The following PCNX1 variants were observed in gnomAD, a reference collection of about 807,000 sequenced individuals.
The protein encoded by PCNX1 is pecanex 1.
Under a neutral mutation model 242.2 loss-of-function variants are expected in PCNX1, and 78 were observed. The observed-to-expected ratio is 0.32, with a 90% CI of 0.27 to 0.39. The LOEUF (loss-of-function observed/expected upper bound fraction) is 0.39, where lower values mean the gene tolerates loss of function less well. Among genes scored for constraint, PCNX1 ranks in the 10% least tolerant of loss-of-function variants. The pLI, the probability that PCNX1 is intolerant of heterozygous loss-of-function variation, is 1.00. For missense variants in PCNX1, 2,581 were observed against 2,856.5 expected (o/e 0.90, Z 2.20); for synonymous variants, 1,024 against 1,032.9 (o/e 0.99, Z 0.17).
intron 26 of PCNX1, among the ~76,000 whole-genome samples, chr14:71,068,475 C>T (rs986956381): frequency 6.8e-6 from 1 of 146,992 alleles, no homozygotes; most frequent in Non-Finnish European, 1.5e-5. Context: ...TATATATGTG[C>T]ATATGTATAC....
intron 7 of PCNX1, among the ~76,000 whole-genome samples, chr14:70,994,874 T>TA (rs34877421): frequency 0.38 from 57,288 of 151,782 alleles, 11,095 homozygotes; most frequent in East Asian, 0.62. Flanking sequence ...TTCTAATAAA[T>TA]AATTTTAATC....
intron 26 of PCNX1, among the ~76,000 whole-genome samples, chr14:71,062,330 T>TG (rs2061345918): frequency 6.6e-6 from 1 of 152,078 alleles, no homozygotes; most frequent in Non-Finnish European, 1.5e-5. Flanking sequence ...CCTGAGCCTG[T>TG]GTAGACCTTG....
chr14:71,017,106 A>G (rs2059980226), intron 11 of PCNX1, among the ~76,000 whole-genome samples: 1 of 152,248 alleles, frequency 6.6e-6, no homozygotes, highest in Non-Finnish European at 1.5e-5. Context: ...ATGAGCAGCT[A>G]TATGCAAATA....
chr14:71,079,239 C>CT (rs567645393), intron 28 of PCNX1, among the ~76,000 whole-genome samples: 13 of 152,272 alleles, frequency 8.5e-5, no homozygotes, highest in African/African-American at 3.1e-4. Context: ...TTTATCTAGT[C>CT]TATCACTGAT....
chr14:71,016,820 A>G (rs1405959146), intron 11 of PCNX1, among the ~76,000 whole-genome samples: 1 of 152,218 alleles, frequency 6.6e-6, no homozygotes, highest in African/African-American at 2.4e-5. Flanking sequence ...TAGAAGAACA[A>G]GAGCACATAA....
In PCNX1 at chr14:71,102,109, A is replaced by T. The variant is rs199590166; in HGVS notation, c.5709A>T (p.Val1903=). ...GGGACCCTGCATGGCGGAGTGCAGTACTTGCCAACTCTCCCTCCTTGCTTG... is the reference window on the plus strand; with the variant it reads ...GGGACCCTGCATGGCGGAGTGCAGTTCTTGCCAACTCTCCCTCCTTGCTTG... ...HEGDPAWRSA[V]LANSPSLLAL... The change falls in exon 31 of 36, where the codon GTA becomes GTT. Residue 1903 remains valine, a synonymous_variant. Transcript: ENST00000304743. 6.2e-7 allele frequency: 1 copy of T among 1,613,794 alleles called. No homozygotes were observed. Among genetic ancestry groups the T allele is most frequent in the East Asian group, 2.2e-5 (1 of 44,876 alleles).
intron 33 of PCNX1, among the ~76,000 whole-genome samples, chr14:71,106,769 C>T (rs570004487): frequency 6.6e-6 from 1 of 152,116 alleles, no homozygotes; most frequent in African/African-American, 2.4e-5. Flanking sequence ...TGCCTAGTTA[C>T]ATCTTTTGCC....
At position 70,976,998 on chromosome 14, in the gene PCNX1, A is replaced by C. The variant is rs774439804; in HGVS notation, c.661A>C (p.Ile221Leu). ...RLVSNDSFIS[I>L]QPSLSSCGQD... is the part of the protein sequence containing the mutation. ...TGTCTCCAATGACTCCTTCATCTCT[A>C]TTCAGCCTTCCTTATCCTCTTGTGG... The change falls in exon 6 of 36, where the codon ATT (isoleucine) becomes CTT (leucine). Residue 221 changes from isoleucine (I) to leucine (L), a missense_variant. By Grantham distance (5) the Ile-to-Leu change is conservative (BLOSUM62 2). This residue lies in a region of PCNX1 where 1,204 missense variants were observed against 1,216.7 expected (regional missense o/e 0.99). Transcript: ENST00000304743. The C allele has an allele frequency of 1.2e-6, 2 of 1,613,984 alleles. No individual in the cohort carries two copies. Among genetic ancestry groups the C allele is most frequent in the African/African-American group, 1.3e-5 (1 of 74,984 alleles).
At chr14:70,948,697 A>G (rs2051865) in intron 2 of PCNX1, among the ~76,000 whole-genome samples, 12,886 of 148,982 alleles carry the variant, frequency 0.086, 679 homozygotes, top group Admixed American at 0.17. Flanking sequence ...ATACACGTGT[A>G]TATATACACA....
In PCNX1 at chr14:71,050,121, A is replaced by T. The variant is rs138115587; in HGVS notation, c.4339-531A>T. ...GGAAAATGTGTCTTAGAATAAAATA[A>T]ATATATGTATTACTTAAGCTTTGCA... On this transcript the variant is annotated intron_variant, in intron 22 of 35. Transcript: ENST00000304743. Among the ~76,000 whole-genome samples the T allele has an allele frequency of 7.8e-3, 1,194 of 152,216 alleles. 7 individuals carry two copies. Among genetic ancestry groups the T allele is most frequent in the South Asian group, 0.017 (82 of 4,828 alleles).
intron 1 of PCNX1, among the ~76,000 whole-genome samples, chr14:70,919,802 A>G (rs1369658524): frequency 7.3e-6 from 1 of 136,790 alleles, no homozygotes; most frequent in African/African-American, 2.8e-5. Flanking sequence ...CTGGAACCTG[A>G]GCAGTTGCAT....
intron 19 of PCNX1, among the ~76,000 whole-genome samples, chr14:71,036,880 G>C (rs1424896284): frequency 6.6e-6 from 1 of 152,120 alleles, no homozygotes; most frequent in East Asian, 1.9e-4. Flanking sequence ...ACCTTGGGCA[G>C]TATGGCCATT....
At chr14:70,981,614 A>C (rs1304846598) in intron 6 of PCNX1, among the ~76,000 whole-genome samples, 1 of 152,204 alleles carries the variant, frequency 6.6e-6, no homozygotes, top group Non-Finnish European at 1.5e-5. Context: ...AATATGTTTT[A>C]AGTTCAAACT....
intron 28 of PCNX1, among the ~76,000 whole-genome samples, chr14:71,078,395 T>G (rs1463834615): frequency 6.6e-6 from 1 of 152,206 alleles, no homozygotes; most frequent in Non-Finnish European, 1.5e-5. Flanking sequence ...CTTCCATAGT[T>G]TCCTTTCAAG....
chr14:71,053,337 A>C (rs1280838787), intron 24 of PCNX1: 1 of 448,684 alleles, frequency 2.2e-6, no homozygotes, highest in East Asian at 7.0e-5. Context: ...CAATGACACA[A>C]TCTCGACTCA....
At chr14:70,925,589 T>C (rs1262021295) in intron 1 of PCNX1, among the ~76,000 whole-genome samples, 3 of 150,044 alleles carry the variant, frequency 2.0e-5, no homozygotes, top group Admixed American at 6.6e-5. Context: ...TTTTTTTTTT[T>C]CATGTAGCTC....
At position 71,009,720 on chromosome 14, in the gene PCNX1, A is replaced by G; in HGVS notation, c.2716A>G (p.Ile906Val). The G allele has an allele frequency of 6.3e-7, 1 of 1,579,210 alleles. No homozygotes were observed. Among genetic ancestry groups the G allele is most frequent in the South Asian group, 1.1e-5 (1 of 88,940 alleles). Reference protein sequence around the residue: ...FEPAARRASNICDTDSHVSSS... With the variant: ...FEPAARRASNVCDTDSHVSSS... ...ACCAGCAGCAAGAAGAGCATCCAAT[A>G]TCTGGTATGTGTGAAGTCATATTAG... The change falls in exon 9 of 36, where the codon ATC (isoleucine) becomes GTC (valine). Residue 906 changes from isoleucine (I) to valine (V), a missense_variant. By Grantham distance (29) the Ile-to-Val change is conservative. Coordinates refer to ENST00000304743, the MANE Select transcript of PCNX1 (RefSeq NM_014982.3).
rs2062722961 is a variant in PCNX1, at chr14:71,109,940, G to T, written c.*5G>T. The T allele has an allele frequency of 1.2e-6, 2 of 1,612,640 alleles. No homozygotes were observed. Among genetic ancestry groups the T allele is most frequent in the African/African-American group, 2.7e-5 (2 of 74,994 alleles). On this transcript the variant is annotated 3_prime_UTR_variant, in exon 36 of 36. Transcript: ENST00000304743. ...GAACTTGGGGCTGAAGTGTGAGCCAGTGTTTATTATAAAGACATTTCTTTT... is the reference window on the plus strand; with the variant it reads ...GAACTTGGGGCTGAAGTGTGAGCCATTGTTTATTATAAAGACATTTCTTTT...
chr14:70,930,347 T>G (rs1000837094), intron 1 of PCNX1, among the ~76,000 whole-genome samples: 1 of 152,192 alleles, frequency 6.6e-6, no homozygotes, highest in African/African-American at 2.4e-5. Flanking sequence ...AACTCCTGGC[T>G]TAGTGACTTC....
Sources: gnomAD v4.1 joint callset for allele counts (sites outside exome capture counted in the v4.1 genomes callset) on GRCh38, gnomAD v4.1.1 for gene constraint, gnomAD v4.1.1 regional missense constraint, MANE v1.5 for transcripts, NCBI Gene and HGNC (gene_info 2026-07-23, HGNC 2026-07-21) for gene names.